PBRM1: variants seen among roughly 807,000 people sequenced by gnomAD.
The protein encoded by PBRM1 is polybromo 1.
PBRM1 carries 27 observed loss-of-function variants against 194.5 expected under a neutral mutation model. The observed-to-expected ratio is 0.14, with a 90% confidence interval of 0.10 to 0.19. The LOEUF (loss-of-function observed/expected upper bound fraction) is 0.19. Ranked by LOEUF, PBRM1 falls within the 10% of genes least tolerant of loss-of-function variation. PBRM1 has a pLI of 1.00. For missense variants in PBRM1, 1,466 were observed against 2,077.2 expected, an observed-to-expected ratio of 0.71 and a Z score of 5.72; for synonymous variants, 655 against 693.2, an observed-to-expected ratio of 0.94 and a Z score of 0.87.
upstream of PBRM1, among the ~76,000 whole-genome samples, chr3:52,683,471 T>C (rs1316195893): frequency 2.0e-5 from 3 of 151,936 alleles, no homozygotes; most frequent in Admixed American, 6.6e-5. Flanking sequence ...TACAGGATAG[T>C]ATTTGGTATA....
chr3:52,605,349 G>A (rs1402044550), intron 16 of PBRM1, among the ~76,000 whole-genome samples: 3 of 151,962 alleles, frequency 2.0e-5, no homozygotes, highest in Admixed American at 6.6e-5. Context: ...CACCTGGCTG[G>A]CATAAATCAA....
exon 23 of PBRM1, chr3:52,564,192 T>G (rs2084413400): frequency 6.2e-7 from 1 of 1,613,902 alleles, no homozygotes; most frequent in Non-Finnish European, 8.5e-7. Flanking sequence ...TCAGTTGGCC[T>G]GCAGGAGAGG....
Position 52,586,352 on chromosome 3 carries a change from C to T in PBRM1, c.3387+73G>A, listed in dbSNP as rs137918288. On this transcript the variant is annotated intron_variant, in intron 20 of 29. Coordinates refer to ENST00000296302, the Ensembl canonical transcript of PBRM1. ...GTTGCTCTTTTTCTAAGTTTGAATA[C>T]TTTATTCATTTATTTTCTGGAATAG... 9 of 1,280,852 alleles carry T rather than the reference C, an allele frequency of 7.0e-6. No individual in the cohort carries two copies. In the East Asian group the frequency reaches 1.2e-4, roughly 17 times the overall value. 79.3% of individuals were successfully genotyped at this position (1,280,852 alleles called of 1,614,324 possible).
At chr3:52,641,809 T>G (rs1439790552) in intron 10 of PBRM1, 145 bp downstream of exon 11, 1 of 722,822 alleles carries the variant, frequency 1.4e-6, no homozygotes, top group Non-Finnish European at 2.5e-6. Flanking sequence ...TTGATAGGTC[T>G]GACTACCAGA....
intron 2 of PBRM1, among the ~76,000 whole-genome samples, chr3:52,676,795 T>C (rs2097114671): frequency 6.6e-6 from 1 of 152,146 alleles, no homozygotes; most frequent in Admixed American, 6.5e-5. Flanking sequence ...CTGATAACAA[T>C]ACGGACAATA....
At chr3:52,610,870 T>G (rs984328900) in intron 15 of PBRM1, among the ~76,000 whole-genome samples, 1 of 151,652 alleles carries the variant, frequency 6.6e-6, no homozygotes, top group Non-Finnish European at 1.5e-5. Flanking sequence ...ACCCAGGAGG[T>G]AGAGGTTGCA....
At chr3:52,642,340 C>G (rs986504863) in intron 9 of PBRM1, among the ~76,000 whole-genome samples, 1 of 151,966 alleles carries the variant, frequency 6.6e-6, no homozygotes, top group South Asian at 2.1e-4. Flanking sequence ...TGAGGCTGGG[C>G]GTGGTGGCTC....
chr3:52,638,990 G>A (rs1295683892), intron 10 of PBRM1, among the ~76,000 whole-genome samples: 3 of 125,418 alleles, frequency 2.4e-5, no homozygotes, highest in Non-Finnish European at 5.0e-5. Flanking sequence ...TTTTTTTGGG[G>A]GGGGGGGGCG....
At chr3:52,564,357 G>C (rs1203771327) in intron 22 of PBRM1, 124 bp from the exon 25 acceptor site, 2 of 738,634 alleles carry the variant, frequency 2.7e-6, no homozygotes, top group African/African-American at 3.6e-5. Context: ...AGATATGAAA[G>C]GGGCTAGGCA....
At chr3:52,608,104 CAT>C (rs2094441393) in intron 16 of PBRM1, among the ~76,000 whole-genome samples, 1 of 151,870 alleles carries the variant, frequency 6.6e-6, no homozygotes, top group Non-Finnish European at 1.5e-5. Flanking sequence ...CATGTTGTCT[CAT>C]GTGTGGAATT....
upstream of PBRM1, chr3:52,681,973 C>T (rs558792793): frequency 6.3e-6 from 1 of 159,232 alleles, no homozygotes; most frequent in Non-Finnish European, 1.4e-5. Context: ...TTCTCTTGTA[C>T]CTATCAAACA....
intron 9 of PBRM1, among the ~76,000 whole-genome samples, chr3:52,642,608 CAA>C (rs201394004): frequency 0.36 from 34,410 of 96,384 alleles, 4,034 homozygotes; most frequent in Middle Eastern, 0.51. Flanking sequence ...AACTTCGTCT[CAA>C]AAAAAAAAAA....
chr3:52,624,478 AG>A (rs1432412725), intron 13 of PBRM1, among the ~76,000 whole-genome samples: 1 of 152,252 alleles, frequency 6.6e-6, no homozygotes, highest in Non-Finnish European at 1.5e-5. Context: ...CCCAATGCAT[AG>A]GTGTCCACAT....
intron 20 of PBRM1, among the ~76,000 whole-genome samples, chr3:52,583,298 C>T (rs1464299070): frequency 1.3e-5 from 2 of 151,196 alleles, no homozygotes; most frequent in Middle Eastern, 3.2e-3. Flanking sequence ...CAATCCCAGC[C>T]ACTCAGGAGG....
intron 2 of PBRM1, among the ~76,000 whole-genome samples, chr3:52,678,156 G>A (rs945942487): frequency 3.3e-5 from 5 of 151,570 alleles, no homozygotes; most frequent in East Asian, 3.9e-4. Flanking sequence ...TTTAAGAGAC[G>A]GGGTCTCATT....
upstream of PBRM1, chr3:52,679,807 TC>T: frequency 3.7e-6 from 4 of 1,077,828 alleles, no homozygotes; most frequent in South Asian, 1.7e-5. Flanking sequence ...GCTACCAAAC[TC>T]CTGGCTCACT....
intron 4 of PBRM1, among the ~76,000 whole-genome samples, chr3:52,661,895 C>T (rs771507290): frequency 6.6e-6 from 1 of 152,180 alleles, no homozygotes; most frequent in Non-Finnish European, 1.5e-5. Flanking sequence ...AGGAAATATG[C>T]ATTAATGTAA....
intron 15 of PBRM1, among the ~76,000 whole-genome samples, chr3:52,613,769 C>T (rs1050186398): frequency 2.0e-5 from 3 of 152,100 alleles, no homozygotes; most frequent in Non-Finnish European, 2.9e-5. Context: ...GCAGGAGGGT[C>T]GCTTGAGCCC....
intron 3 of PBRM1, among the ~76,000 whole-genome samples, chr3:52,665,927 T>C (rs2096824827): frequency 1.3e-5 from 2 of 152,174 alleles, no homozygotes; most frequent in African/African-American, 4.8e-5. Flanking sequence ...CTTCGTATTG[T>C]TTGGAGGATT....
Sources: allele counts gnomAD v4.1 joint callset (sites outside exome capture counted in the v4.1 genomes callset), GRCh38; gene constraint gnomAD v4.1.1; transcripts MANE v1.5; gene names NCBI Gene and HGNC (gene_info 2026-07-23, HGNC 2026-07-21).